The following DNAJB13 variants were observed in gnomAD, a reference collection of about 807,000 sequenced individuals.
The protein encoded by DNAJB13 is dnaJ homolog subfamily B member 13.
DNAJB13 carries 22 observed loss-of-function variants against 35.6 expected under a neutral mutation model. That is an observed-to-expected ratio of 0.62 (90% confidence interval 0.44 to 0.88). DNAJB13 has a LOEUF of 0.88. Ranked by LOEUF, DNAJB13 falls within the 40% of genes least tolerant of loss-of-function variation. The probability of loss-of-function intolerance (pLI) is 0.00; values close to 1 mark genes in which losing one functional copy is unlikely to be tolerated. For missense variants in DNAJB13, 370 were observed against 384.3 expected (o/e 0.96, Z 0.31); for synonymous variants, 136 against 144.2 (o/e 0.94, Z 0.41).
At chr11:73,969,833 C>G in intron 7 of DNAJB13, 128 bp from the exon 8 acceptor site, 1 of 1,264,442 alleles carries the variant, frequency 7.9e-7, no homozygotes, top group South Asian at 1.7e-5. Flanking sequence ...GGCTAAGAAC[C>G]ACTCCAGGTG....
In DNAJB13 at chr11:73,959,601, G is replaced by A. The variant is rs766959001; in HGVS notation, c.280G>A (p.Gly94Ser). 16 of 1,614,096 alleles carry A rather than the reference G, an allele frequency of 9.9e-6. No individual in the cohort carries two copies. Among genetic ancestry groups the A allele is most frequent in the South Asian group, 6.6e-5 (6 of 91,072 alleles). The change falls in exon 3 of 8, where the codon GGC becomes AGC. Residue 94 changes from glycine (G) to serine (S), a missense_variant. Transcript: ENST00000339764. Reference protein sequence around the residue: ...TPWTTGYVFHGKPEKVFHEFF... With the variant: ...TPWTTGYVFHSKPEKVFHEFF... ...ATGGACAACTGGTTACGTCTTCCAT[G>A]GCAAACCTGAAAAGGTGTTCCACGA...
intron 1 of DNAJB13, among the ~76,000 whole-genome samples, chr11:73,958,110 G>A (rs1950811337): frequency 6.6e-6 from 1 of 152,206 alleles, no homozygotes; most frequent in Admixed American, 6.5e-5. Context: ...GCCCAGGGGG[G>A]CAGCTGCTGG....
chr11:73,967,992 G>T, intron 5 of DNAJB13: 1 of 419,368 alleles, frequency 2.4e-6, no homozygotes, highest in Non-Finnish European at 4.2e-6. Context: ...TTTGGGACAG[G>T]GGTGTCATGC....
intron 1 of DNAJB13, among the ~76,000 whole-genome samples, chr11:73,952,130 T>G (rs1372561686): frequency 1.3e-5 from 2 of 152,074 alleles, no homozygotes; most frequent in African/African-American, 4.8e-5. Flanking sequence ...ACCACAACTG[T>G]GATGAGTGTT....
intron 6 of DNAJB13, 67 bp downstream of exon 6, chr11:73,968,525 A>T: frequency 7.2e-7 from 1 of 1,383,498 alleles, no homozygotes; most frequent in East Asian, 2.4e-5. Flanking sequence ...CCCGGCCTAG[A>T]CTTGGCCTCC....
chr11:73,969,224 C>T (rs1178289597), intron 6 of DNAJB13, 22 bp from the exon 7 acceptor site: 1 of 841,314 alleles, frequency 1.2e-6, no homozygotes, highest in Non-Finnish European at 2.0e-6. Flanking sequence ...TCAGCCCCAC[C>T]TTTGGCCCTG....
chr11:73,969,838 C>G, intron 7 of DNAJB13, 123 bp from the exon 8 acceptor site: 1 of 1,307,386 alleles, frequency 7.6e-7, no homozygotes, highest in South Asian at 1.7e-5. Flanking sequence ...AGAACCACTC[C>G]AGGTGAAGAC....
chr11:73,958,460 T>A (rs1433499737), intron 2 of DNAJB13, 40 bp downstream of exon 2: 1 of 1,576,816 alleles, frequency 6.3e-7, no homozygotes. Context: ...TTGATTAGGA[T>A]CATTCCTTAA....
At chr11:73,969,556 A>G (rs2135350853) in intron 7 of DNAJB13, among the ~76,000 whole-genome samples, 1 of 152,358 alleles carries the variant, frequency 6.6e-6, no homozygotes, top group Middle Eastern at 3.4e-3. Flanking sequence ...TGCAGAGGCT[A>G]GAGGCCCCCA....
At chr11:73,956,577 C>A (rs1001348200) in intron 1 of DNAJB13, among the ~76,000 whole-genome samples, 2 of 151,886 alleles carry the variant, frequency 1.3e-5, no homozygotes, top group Non-Finnish European at 2.9e-5. Context: ...CTGTGGTGGG[C>A]GGATCACCTG....
chr11:73,966,071 G>T, intron 4 of DNAJB13, 67 bp from the exon 5 acceptor site: 1 of 1,433,748 alleles, frequency 7.0e-7, no homozygotes, highest in South Asian at 1.2e-5. Flanking sequence ...ATGAAAATCT[G>T]AGCAAATCTC....
intron 3 of DNAJB13, among the ~76,000 whole-genome samples, chr11:73,962,371 TGAGTGGGTGTATGAATGAATAGAC>T (rs2135317303): frequency 8.2e-6 from 1 of 122,414 alleles, no homozygotes; most frequent in Non-Finnish European, 1.6e-5. Flanking sequence ...GATGAATGGA[TGAGTGGGTGTATGAATGAATAGAC>T]GAGCACATGG....
intron 1 of DNAJB13, among the ~76,000 whole-genome samples, chr11:73,956,672 T>A (rs956159956): frequency 6.6e-6 from 1 of 151,770 alleles, no homozygotes; most frequent in African/African-American, 2.4e-5. Flanking sequence ...GCGTGGTGGC[T>A]CGCGCCTGTA....
In DNAJB13 at chr11:73,968,448, C is replaced by G. The variant is rs777112143; in HGVS notation, c.710C>G (p.Pro237Arg). Residue 237 changes from proline (P) to arginine (R), a missense_variant, in exon 6 of 8, where the codon CCT (proline) becomes CGT (arginine). Coordinates refer to ENST00000339764, the MANE Select transcript of DNAJB13 (RefSeq NM_153614.4). ...NDNLFFVNPIPLGKALTCCTV... is the reference protein window; with the variant it reads ...NDNLFFVNPIRLGKALTCCTV... ...AACCTCTTCTTCGTGAACCCCATCC[C>G]TCTTGGCAAGGTGAGTGGGCAAAGT... is the stretch of plus-strand genomic sequence containing the variant. 6.2e-7 allele frequency: 1 copy of G among 1,613,716 alleles called. No homozygotes were observed. The highest frequency in any genetic ancestry group is 1.1e-5 in the South Asian group (1 of 91,044).
Position 73,958,366 on chromosome 11 carries a change from T to A in DNAJB13, c.118T>A (p.Ser40Thr). The change falls in exon 2 of 8, where the codon TCT becomes ACT. Residue 40 changes from serine to threonine, a missense_variant. Coordinates refer to ENST00000339764, the MANE Select transcript of DNAJB13 (RefSeq NM_153614.4). ...KHHPLKSNEP[S>T]SAEIFRQIAE... is the part of the protein sequence containing the mutation. Reference sequence around the variant, plus strand: ...CCACCCGTTGAAGTCAAATGAGCCGTCTTCAGCAGAGATTTTCAGGCAAAT... The same window carrying A: ...CCACCCGTTGAAGTCAAATGAGCCGACTTCAGCAGAGATTTTCAGGCAAAT... 1 of 1,614,094 alleles carries A rather than the reference T, an allele frequency of 6.2e-7. No homozygotes were observed. Among genetic ancestry groups the A allele is most frequent in the Non-Finnish European group, 8.5e-7 (1 of 1,179,994 alleles).
intron 1 of DNAJB13, among the ~76,000 whole-genome samples, chr11:73,955,773 C>A (rs1950725206): frequency 6.6e-6 from 1 of 152,122 alleles, no homozygotes; most frequent in South Asian, 2.1e-4. Flanking sequence ...TGCACTCCAG[C>A]CTAGGTGACA....
chr11:73,956,189 G>A (rs1950736949), intron 1 of DNAJB13, among the ~76,000 whole-genome samples: 1 of 152,220 alleles, frequency 6.6e-6, no homozygotes, highest in South Asian at 2.1e-4. Context: ...CACTGCTGAG[G>A]ACAAGGATCA....
intron 1 of DNAJB13, 25 bp downstream of exon 1, chr11:73,951,162 T>G (rs751629427): frequency 1.9e-6 from 3 of 1,613,582 alleles, no homozygotes; most frequent in Non-Finnish European, 2.5e-6. Context: ...GAGCCAGGCC[T>G]TAGGGGTGTG....
intron 3 of DNAJB13, among the ~76,000 whole-genome samples, chr11:73,961,483 C>T (rs548310418): frequency 6.6e-6 from 1 of 152,290 alleles, no homozygotes; most frequent in South Asian, 2.1e-4. Context: ...GTAGCTGCAA[C>T]TGCTGCCTCA....
Sources: gnomAD v4.1 joint callset for allele counts (sites outside exome capture counted in the v4.1 genomes callset) on GRCh38, gnomAD v4.1.1 for gene constraint, MANE v1.5 for transcripts, NCBI Gene and HGNC (gene_info 2026-07-23, HGNC 2026-07-21) for gene names.